The following CTNNA2 variants were observed in gnomAD, a reference collection of about 807,000 sequenced individuals.
The protein encoded by CTNNA2 is catenin alpha-2.
Under a neutral mutation model 101.0 loss-of-function variants are expected in CTNNA2, and 42 were observed. The observed-to-expected ratio is 0.42, with a 90% CI of 0.32 to 0.54. CTNNA2 has a LOEUF of 0.54. Among genes scored for constraint, CTNNA2 ranks in the 20% least tolerant of loss-of-function variants. The probability of loss-of-function intolerance (pLI) is 0.14; values close to 1 mark genes in which losing one functional copy is unlikely to be tolerated. For synonymous variants in CTNNA2, 450 were observed against 456.4 expected (o/e 0.99, Z 0.18); for missense variants, 871 against 1,223.1 (o/e 0.71, Z 4.29).
At chr2:80,309,295 G>A (rs1677311659) in intron 7 of CTNNA2, among the ~76,000 whole-genome samples, 1 of 152,036 alleles carries the variant, frequency 6.6e-6, no homozygotes. Context: ...TATCCTTCAA[G>A]GTTGATGGCA....
Position 79,909,610 on chromosome 2 carries a change from A to G in CTNNA2, c.869A>G (p.Asp290Gly). 6.2e-7 allele frequency: 1 copy of G among 1,611,078 alleles called. No individual in the cohort carries two copies. The highest frequency in any genetic ancestry group is 8.5e-7 in the Non-Finnish European group (1 of 1,177,826). Reference sequence around the variant, plus strand: ...TACTTTCAGAATAAGATTATCCTGGACCCCATGACGTTCAGCGAGGCCAGG... The same window carrying G: ...TACTTTCAGAATAAGATTATCCTGGGCCCCATGACGTTCAGCGAGGCCAGG... ...LNEFDNKIIL[D>G]PMTFSEARFR... The change falls in exon 7 of 19, where the codon GAC (aspartate) becomes GGC (glycine). Residue 290 changes from aspartate (D) to glycine (G), a missense_variant. By Grantham distance (94) the Asp-to-Gly change is moderately conservative. Coordinates refer to ENST00000402739, the MANE Select transcript of CTNNA2 (RefSeq NM_001282597.3).
At chr2:79,659,997 A>T (rs948946121) in intron 2 of CTNNA2, among the ~76,000 whole-genome samples, 1 of 152,150 alleles carries the variant, frequency 6.6e-6, no homozygotes, top group Non-Finnish European at 1.5e-5. Context: ...CATCTCTAAA[A>T]AGAATAATAA....
intron 1 of CTNNA2, among the ~76,000 whole-genome samples, chr2:79,560,684 G>A (rs916341868): frequency 1.3e-5 from 2 of 151,834 alleles, no homozygotes; most frequent in Non-Finnish European, 2.9e-5. Context: ...AAATTTCAGA[G>A]AAAAGAGTAT....
chr2:80,247,513 G>A (rs934832180), intron 7 of CTNNA2, among the ~76,000 whole-genome samples: 1 of 152,162 alleles, frequency 6.6e-6, no homozygotes, highest in East Asian at 1.9e-4. Flanking sequence ...CTTAAAGGAT[G>A]TCAGTGAGCC....
At chr2:80,421,755 C>T (rs1029437021) in intron 9 of CTNNA2, among the ~76,000 whole-genome samples, 2 of 148,794 alleles carry the variant, frequency 1.3e-5, no homozygotes, top group Non-Finnish European at 1.5e-5. Context: ...GTGGTCTGGC[C>T]TCTGTGTGAC....
At chr2:79,439,326 A>C (rs938540718) in intron 4 of CTNNA2, among the ~76,000 whole-genome samples, 1 of 152,224 alleles carries the variant, frequency 6.6e-6, no homozygotes, top group Non-Finnish European at 1.5e-5. Flanking sequence ...AAAAGCTCCC[A>C]TATTGTATGA....
chr2:80,241,221 C>CTT (rs141660457), intron 7 of CTNNA2, among the ~76,000 whole-genome samples: 11 of 148,290 alleles, frequency 7.4e-5, no homozygotes, highest in Admixed American at 6.1e-4. Flanking sequence ...TTATGGAGTC[C>CTT]TTTTTTTTTT....
At position 79,844,922 on chromosome 2, in the gene CTNNA2, A is replaced by G. The variant is rs151224737; in HGVS notation, c.299-13091A>G. The stretch of plus-strand genomic sequence containing the variant: ...GGGCTGTGTGTGACTGATCTCTGCC[A>G]TCTCTCAAAGTCATGATTAAAAGCT... On this transcript the variant is annotated intron_variant, in intron 3 of 18. Transcript: ENST00000402739. 2.4e-4 allele frequency among the ~76,000 whole-genome samples: 36 copies of G among 151,174 alleles called. 1 individual carries two copies. The East Asian group carries it at 4.3e-3, about 18-fold the overall frequency.
chr2:79,388,966 A>G (rs2104470174), intron 4 of CTNNA2, among the ~76,000 whole-genome samples: 1 of 152,268 alleles, frequency 6.6e-6, no homozygotes. Context: ...GAACACTACC[A>G]CATTTAACCT....
intron 4 of CTNNA2, among the ~76,000 whole-genome samples, chr2:79,435,843 C>G (rs1250741320): frequency 3.3e-5 from 5 of 152,098 alleles, no homozygotes; most frequent in Non-Finnish European, 7.4e-5. Flanking sequence ...TCCGAGTGAA[C>G]TGAGAACATA....
rs547360287 is a variant in CTNNA2, at chr2:80,566,191, G to A, written c.1742-7972G>A. On this transcript the variant is annotated intron_variant, in intron 12 of 18. Coordinates refer to ENST00000402739, the MANE Select transcript of CTNNA2 (RefSeq NM_001282597.3). ...AACTTGCCACGTGGGCTTTTCTTTA[G>A]AGCAGCTTACAACATGGCAACTGTC... Among the ~76,000 whole-genome samples the A allele has an allele frequency of 7.0e-4, 106 of 152,262 alleles. No individual in the cohort carries two copies. The South Asian group carries it at 0.01, about 15-fold the overall frequency.
intron 1 of CTNNA2, among the ~76,000 whole-genome samples, chr2:79,575,120 T>C (rs1558741985): frequency 6.6e-6 from 1 of 152,200 alleles, no homozygotes; most frequent in Non-Finnish European, 1.5e-5. Flanking sequence ...AGTTTCAATG[T>C]TGTACATGAA....
intron 1 of CTNNA2, among the ~76,000 whole-genome samples, chr2:79,577,607 G>A (rs540179475): frequency 6.6e-6 from 1 of 151,550 alleles, no homozygotes; most frequent in Non-Finnish European, 1.5e-5. Flanking sequence ...ATTTTTTTTT[G>A]TAGATAGTCT....
intron 4 of CTNNA2, among the ~76,000 whole-genome samples, chr2:79,868,575 T>C (rs562120764): frequency 3.3e-5 from 5 of 152,396 alleles, no homozygotes; most frequent in African/African-American, 1.2e-4. Flanking sequence ...ATATAATCTA[T>C]GGTTATTTTC....
At chr2:80,250,054 C>T (rs1648570470) in intron 7 of CTNNA2, among the ~76,000 whole-genome samples, 1 of 152,066 alleles carries the variant, frequency 6.6e-6, no homozygotes, top group Non-Finnish European at 1.5e-5. Flanking sequence ...TCATTTGCTT[C>T]TTGTTTCTTT....
chr2:79,814,547 G>A (rs1677314851), intron 3 of CTNNA2, among the ~76,000 whole-genome samples: 1 of 151,522 alleles, frequency 6.6e-6, no homozygotes, highest in African/African-American at 2.4e-5. Flanking sequence ...CCAGCTCACT[G>A]CAAATGCCAT....
rs760835145 is a variant in CTNNA2 at position 79,294,235 on chromosome 2, AGAAGAG to A, written c.-405-18471_-405-18466del. On this transcript the variant is annotated intron_variant, in intron 2 of 21. Transcript: ENST00000466387. ...AAGAGGAAGAAGAAGAAGAAGAAGA[AGAAGAG>A]GAGGAGGAGGAGGAGGAGGAGAAGT... 3.2e-4 allele frequency among the ~76,000 whole-genome samples: 49 copies of A among 151,018 alleles called. 1 individual carries two copies. Among genetic ancestry groups the A allele is most frequent in the African/African-American group, 1.0e-3 (43 of 41,134 alleles).
intron 3 of CTNNA2, among the ~76,000 whole-genome samples, chr2:79,363,748 CTA>C (rs1384378830): frequency 2.6e-5 from 4 of 152,164 alleles, no homozygotes; most frequent in Admixed American, 2.6e-4. Context: ...CTTTTGTACT[CTA>C]TATAAGCCAA....
chr2:80,563,943 G>A (rs916202488), intron 12 of CTNNA2, among the ~76,000 whole-genome samples: 1 of 152,134 alleles, frequency 6.6e-6, no homozygotes, highest in Non-Finnish European at 1.5e-5. Flanking sequence ...ATGTGTGTAT[G>A]TATTGACTTT....
Sources: gnomAD v4.1 joint callset for allele counts (sites outside exome capture counted in the v4.1 genomes callset) on GRCh38, gnomAD v4.1.1 for gene constraint, MANE v1.5 for transcripts, NCBI Gene and HGNC (gene_info 2026-07-23, HGNC 2026-07-21) for gene names.